Variants in PITPNC1 observed in about 807,000 individuals in gnomAD.
PITPNC1 encodes cytoplasmic phosphatidylinositol transfer protein 1.
PITPNC1 carries 18 observed loss-of-function variants against 44.7 expected under a neutral mutation model. That is an observed-to-expected ratio of 0.40 (90% CI 0.28 to 0.60). PITPNC1 has a LOEUF of 0.60. Ranked by LOEUF, PITPNC1 falls within the 20% of genes least tolerant of loss-of-function variation. The probability of loss-of-function intolerance (pLI) is 0.39; values close to 1 mark genes in which losing one functional copy is unlikely to be tolerated. For synonymous variants in PITPNC1, 141 were observed against 149.6 expected, an observed-to-expected ratio of 0.94 and a Z score of 0.42; for missense variants, 290 against 418.4, an observed-to-expected ratio of 0.69 and a Z score of 2.68.
chr17:67,545,716 CTA>C (rs1200848903), intron 2 of PITPNC1, among the ~76,000 whole-genome samples: 1 of 152,098 alleles, frequency 6.6e-6, no homozygotes, highest in Non-Finnish European at 1.5e-5. Flanking sequence ...AGTTACTTGA[CTA>C]TGTGAATATT....
intron 1 of PITPNC1, among the ~76,000 whole-genome samples, chr17:67,522,363 G>T (rs2040335737): frequency 1.3e-5 from 2 of 151,764 alleles, no homozygotes; most frequent in South Asian, 4.1e-4. Flanking sequence ...AACTCCCCTG[G>T]CATGGCAGGA....
At chr17:67,384,428 C>CT (rs60147017) in intron 1 of PITPNC1, among the ~76,000 whole-genome samples, 40,082 of 142,642 alleles carry the variant, frequency 0.28, 5,906 homozygotes, top group Middle Eastern at 0.38. Context: ...TCCTTGTTCT[C>CT]TTTTTTTTTT....
chr17:67,395,617 T>C (rs990489481), intron 1 of PITPNC1, among the ~76,000 whole-genome samples: 3 of 152,212 alleles, frequency 2.0e-5, no homozygotes, highest in Non-Finnish European at 4.4e-5. Context: ...ATAACAGTGA[T>C]GCTGGTGCTG....
rs2042987621 is a variant in PITPNC1, at chr17:67,695,019, T to G, written c.*2131T>G. On this transcript the variant is annotated 3_prime_UTR_variant, in exon 9 of 9. Transcript: ENST00000581322. Reference sequence around the variant, plus strand: ...GTTTTTCCATTAAGAGCATTGCTATTTTCCCTTTTTATAAAGTAGCTTCTG... The same window carrying G: ...GTTTTTCCATTAAGAGCATTGCTATGTTCCCTTTTTATAAAGTAGCTTCTG... 6.6e-6 allele frequency: 1 copy of G among 152,224 alleles called. No individual in the cohort carries two copies. 9.4% of individuals were successfully genotyped at this position (152,224 alleles called of 1,614,324 possible).
intron 2 of PITPNC1, among the ~76,000 whole-genome samples, chr17:67,534,277 A>G (rs2040499951): frequency 6.6e-6 from 1 of 152,184 alleles, no homozygotes; most frequent in African/African-American, 2.4e-5. Flanking sequence ...ACTCCTATCC[A>G]GCCCATTTCT....
At chr17:67,575,413 C>A (rs1229084970) in intron 4 of PITPNC1, among the ~76,000 whole-genome samples, 1 of 152,162 alleles carries the variant, frequency 6.6e-6, no homozygotes, top group Non-Finnish European at 1.5e-5. Flanking sequence ...GCCTTGTTCT[C>A]CATAAAGGCA....
intron 8 of PITPNC1, among the ~76,000 whole-genome samples, chr17:67,689,202 CAAATAAAT>C (rs578210521): frequency 6.6e-6 from 1 of 151,564 alleles, no homozygotes; most frequent in Non-Finnish European, 1.5e-5. Flanking sequence ...AACTCCATCT[CAAATAAAT>C]AAATAAATAA....
chr17:67,403,600 T>A (rs1210023757), intron 1 of PITPNC1, among the ~76,000 whole-genome samples: 1 of 152,236 alleles, frequency 6.6e-6, no homozygotes, highest in Non-Finnish European at 1.5e-5. Flanking sequence ...AATGTGTTAA[T>A]CATCTCATTT....
intron 1 of PITPNC1, among the ~76,000 whole-genome samples, chr17:67,464,883 G>A (rs1004970990): frequency 6.6e-6 from 1 of 152,086 alleles, no homozygotes; most frequent in African/African-American, 2.4e-5. Context: ...GGGACTACAG[G>A]CATGCACCAC....
intron 1 of PITPNC1, among the ~76,000 whole-genome samples, chr17:67,404,858 T>C (rs1159202044): frequency 6.6e-6 from 1 of 152,160 alleles, no homozygotes; most frequent in Non-Finnish European, 1.5e-5. Context: ...ATGTTTGTTA[T>C]TGCCTCTTTT....
chr17:67,453,868 C>G (rs1199169249), intron 1 of PITPNC1, among the ~76,000 whole-genome samples: 1 of 152,182 alleles, frequency 6.6e-6, no homozygotes, highest in Non-Finnish European at 1.5e-5. Flanking sequence ...ATGCAGTGGT[C>G]TTCCCTCCTG....
intron 8 of PITPNC1, among the ~76,000 whole-genome samples, chr17:67,679,651 C>T (rs1237259451): frequency 6.6e-6 from 1 of 152,096 alleles, no homozygotes; most frequent in Non-Finnish European, 1.5e-5. Flanking sequence ...AAACTGTTTC[C>T]CTAAAGAGAT....
intron 5 of PITPNC1, among the ~76,000 whole-genome samples, chr17:67,603,338 A>C (rs891591557): frequency 1.3e-5 from 2 of 152,180 alleles, no homozygotes; most frequent in Non-Finnish European, 2.9e-5. Flanking sequence ...TCATGATGGC[A>C]GCCATGTGGA....
chr17:67,574,831 A>AC (rs2041116355), intron 4 of PITPNC1, among the ~76,000 whole-genome samples: 1 of 152,046 alleles, frequency 6.6e-6, no homozygotes, highest in Non-Finnish European at 1.5e-5. Context: ...GAAAGTACTG[A>AC]CCCGCTTGGA....
chr17:67,532,607 C>T (rs1243031203), intron 1 of PITPNC1, among the ~76,000 whole-genome samples, 195 bp from the exon 2 acceptor site: 4 of 152,104 alleles, frequency 2.6e-5, no homozygotes, highest in South Asian at 2.1e-4. Context: ...CACGGGAACA[C>T]GCCGTCTCGA....
chr17:67,389,268 G>A (rs1043434553), intron 1 of PITPNC1, among the ~76,000 whole-genome samples: 2 of 152,218 alleles, frequency 1.3e-5, no homozygotes, highest in Non-Finnish European at 2.9e-5. Flanking sequence ...AGATCTCTCC[G>A]ACTTGCTGTC....
At chr17:67,545,483 T>C (rs2040667014) in intron 2 of PITPNC1, among the ~76,000 whole-genome samples, 1 of 151,066 alleles carries the variant, frequency 6.6e-6, no homozygotes, top group African/African-American at 2.4e-5. Flanking sequence ...GGCTGAGGCA[T>C]GAGAATTGCT....
At chr17:67,536,450 C>T (rs925071066) in intron 2 of PITPNC1, among the ~76,000 whole-genome samples, 1 of 152,114 alleles carries the variant, frequency 6.6e-6, no homozygotes, top group African/African-American at 2.4e-5. Flanking sequence ...TGGTCTTGAA[C>T]TCCTGACCTC....
chr17:67,384,156 G>A (rs2038006185), intron 1 of PITPNC1, among the ~76,000 whole-genome samples: 1 of 152,076 alleles, frequency 6.6e-6, no homozygotes, highest in Non-Finnish European at 1.5e-5. Flanking sequence ...GGTCTCTAGG[G>A]ATATGGTGCA....
Sources: gnomAD v4.1 joint callset for allele counts (sites outside exome capture counted in the v4.1 genomes callset) on GRCh38, gnomAD v4.1.1 for gene constraint, MANE v1.5 for transcripts, NCBI Gene and HGNC (gene_info 2026-07-23, HGNC 2026-07-21) for gene names.